The following CDH5 variants were observed in gnomAD, a reference collection of about 807,000 sequenced individuals.
CDH5 encodes the protein cadherin 5.
A neutral mutation model predicts 62.0 loss-of-function variants in CDH5; 28 were observed. The observed-to-expected ratio is 0.45, with a 90% CI of 0.33 to 0.62. The LOEUF (loss-of-function observed/expected upper bound fraction) is 0.62, where lower values mean the gene tolerates loss of function less well. Ranked by LOEUF, CDH5 falls within the 20% of genes least tolerant of loss-of-function variation. CDH5 has a pLI of 0.02. For synonymous variants in CDH5, 464 were observed against 445.8 expected (o/e 1.04, Z -0.52); for missense variants, 940 against 1,065.1 (o/e 0.88, Z 1.63).
intron 2 of CDH5, among the ~76,000 whole-genome samples, chr16:66,380,849 T>A (rs931414700): frequency 6.6e-6 from 1 of 151,388 alleles, no homozygotes; most frequent in Non-Finnish European, 1.5e-5. Flanking sequence ...ATGATGGTAG[T>A]GATGAAAGAT....
chr16:66,368,881 G>A (rs2142300081), intron 1 of CDH5, among the ~76,000 whole-genome samples: 1 of 151,896 alleles, frequency 6.6e-6, no homozygotes, highest in South Asian at 2.1e-4. Flanking sequence ...GTGATACCAG[G>A]GGAAGGAATG....
Position 66,404,607 on chromosome 16 carries a change from T to C in CDH5, c.*1438T>C, listed in dbSNP as rs117426690. The C allele has an allele frequency of 0.015, 2,234 of 152,596 alleles. 22 individuals carry two copies. The highest frequency in any genetic ancestry group is 0.023 in the Non-Finnish European group (1,581 of 68,030). 9.5% of individuals were successfully genotyped at this position (152,596 alleles called of 1,614,324 possible). ...TTTTTGCATAATAAGCAGGTTGTTA[T>C]TTAGGTTAACAATATTAATTCAGGT... On this transcript the variant is annotated 3_prime_UTR_variant, in exon 12 of 12. Coordinates refer to ENST00000341529, the MANE Select transcript of CDH5 (RefSeq NM_001795.5).
chr16:66,386,239 C>T (rs1960980499), intron 2 of CDH5, among the ~76,000 whole-genome samples: 1 of 151,844 alleles, frequency 6.6e-6, no homozygotes, highest in African/African-American at 2.4e-5. Context: ...ACCATGAGAA[C>T]AACTCATTGG....
intron 1 of CDH5, among the ~76,000 whole-genome samples, chr16:66,370,045 G>A (rs909849603): frequency 2.0e-5 from 3 of 152,238 alleles, no homozygotes; most frequent in Middle Eastern, 3.4e-3. Context: ...TTGTTGTCCA[G>A]GCTGGAGTGC....
intron 6 of CDH5, among the ~76,000 whole-genome samples, chr16:66,391,644 G>A (rs1332159007): frequency 2.6e-5 from 4 of 152,130 alleles, no homozygotes; most frequent in Admixed American, 6.5e-5. Context: ...GTGGTGGCAG[G>A]TGCCTGTAAT....
In CDH5 at chr16:66,390,554, C is replaced by A. The variant is rs1961066391; in HGVS notation, c.933C>A (p.Asn311Lys). 1 of 1,614,042 alleles carries A rather than the reference C, an allele frequency of 6.2e-7. No homozygotes were observed. The highest frequency in any genetic ancestry group is 1.1e-5 in the South Asian group (1 of 91,080). ...DYQDAFTIET[N>K]PAHNEGIIKP... ...AGGACGCTTTCACCATTGAGACAAA[C>A]CCCGCCCACAACGAGGGCATCATCA... Residue 311 changes from asparagine (N) to lysine (K), a missense_variant, in exon 6 of 12, where the codon AAC (asparagine) becomes AAA (lysine). Physicochemically the swap from Asn to Lys is moderately conservative, Grantham distance 94 (BLOSUM62 0). Transcript: ENST00000341529.
At position 66,403,148 on chromosome 16, in the gene CDH5, C is replaced by G. The variant is rs1961328288; in HGVS notation, c.2334C>G (p.Pro778=). ...TGGCTGAGCTGTACGGCTCGGACCC[C>G]CGGGAGGAGCTGCTGTATTAGGCGG... ...KMLAELYGSD[P]REELLY is the part of the protein sequence containing the mutation. Residue 778 remains proline (P), a synonymous_variant, in exon 12 of 12, where the codon CCC becomes CCG. Coordinates refer to ENST00000341529, the MANE Select transcript of CDH5 (RefSeq NM_001795.5). The surrounding 1 kb of genome is among the most constrained non-coding windows in gnomAD (Gnocchi z 4.3). The G allele has an allele frequency of 1.2e-6, 2 of 1,612,086 alleles. No individual in the cohort carries two copies. The highest frequency in any genetic ancestry group is 1.7e-6 in the Non-Finnish European group (2 of 1,179,600).
At chr16:66,380,903 G>A (rs1056958748) in intron 2 of CDH5, among the ~76,000 whole-genome samples, 4 of 151,998 alleles carry the variant, frequency 2.6e-5, no homozygotes, top group African/African-American at 7.3e-5. Context: ...TGATGGTGGT[G>A]GAGGTGGTGG....
intron 6 of CDH5, 103 bp downstream of exon 6, chr16:66,390,693 C>T: frequency 9.3e-7 from 1 of 1,069,934 alleles, no homozygotes; most frequent in Non-Finnish European, 1.4e-6. Context: ...CATCAAAGGA[C>T]CATCAAAGCT....
intron 1 of CDH5, among the ~76,000 whole-genome samples, chr16:66,368,473 G>A (rs1477036589): frequency 1.3e-5 from 2 of 152,216 alleles, no homozygotes; most frequent in African/African-American, 2.4e-5. Context: ...CCGGACATGA[G>A]GGCAGGAAGC....
Position 66,386,799 on chromosome 16 carries a change from T to A in CDH5, c.211-10T>A. The A allele has an allele frequency of 1.3e-6, 2 of 1,591,920 alleles. No homozygotes were observed. The highest frequency in any genetic ancestry group is 1.7e-6 in the Non-Finnish European group (2 of 1,167,134). ...CCCATTCCCAGCTCACGTCACCTCT[T>A]CTTTTCTAGATCAAGTCAAGCGTGA... On this transcript the variant is annotated splice_polypyrimidine_tract_variant and intron_variant, in intron 2 of 11. Coordinates refer to ENST00000341529, the MANE Select transcript of CDH5 (RefSeq NM_001795.5).
intron 2 of CDH5, among the ~76,000 whole-genome samples, chr16:66,384,530 A>C (rs530770035): frequency 6.6e-6 from 1 of 152,122 alleles, no homozygotes; most frequent in East Asian, 1.9e-4. Flanking sequence ...AGGCAGGAGA[A>C]TTGCTTGAGC....
At chr16:66,385,909 C>T (rs1960974387) in intron 2 of CDH5, among the ~76,000 whole-genome samples, 1 of 152,212 alleles carries the variant, frequency 6.6e-6, no homozygotes, top group African/African-American at 2.4e-5. Context: ...GAAAGCCAAG[C>T]TGATACAATC....
rs769695691 is a variant in CDH5, at chr16:66,402,838, G to T, written c.2024G>T (p.Arg675Leu). ...CGCCGCGGCGGGGCCAAGCCCCCGCGGCCCGCGCTGGACGCCCGGCCTTCC... is the reference window on the plus strand; with the variant it reads ...CGCCGCGGCGGGGCCAAGCCCCCGCTGCCCGCGCTGGACGCCCGGCCTTCC... ...SVRRGGAKPP[R>L]PALDARPSLY... is the part of the protein sequence containing the mutation. The change falls in exon 12 of 12, where the codon CGG becomes CTG. Residue 675 changes from arginine (R) to leucine (L), a missense_variant. Physicochemically the swap from Arg to Leu is moderately radical, Grantham distance 102. Coordinates refer to ENST00000341529, the MANE Select transcript of CDH5 (RefSeq NM_001795.5). 2 of 1,599,472 alleles carry T rather than the reference G, an allele frequency of 1.3e-6. No homozygotes were observed. The highest frequency in any genetic ancestry group is 1.7e-5 in the Admixed American group (1 of 57,782).
In CDH5 at chr16:66,392,223, G is replaced by A. The variant is rs199838141; in HGVS notation, c.1057G>A (p.Ala353Thr). 9.9e-5 allele frequency: 160 copies of A among 1,613,888 alleles called. No individual in the cohort carries two copies. Among genetic ancestry groups the A allele is most frequent in the Admixed American group, 1.2e-4 (7 of 59,990 alleles). The change falls in exon 7 of 12, where the codon GCG (alanine) becomes ACG (threonine). Residue 353 changes from alanine (A) to threonine (T), a missense_variant. Physicochemically the swap from Ala to Thr is moderately conservative, Grantham distance 58. Coordinates refer to ENST00000341529, the MANE Select transcript of CDH5 (RefSeq NM_001795.5). ...CGACCTCCGATACATGAGCCCTCCCGCGGGAAACAGAGCCCAGGTCATTAT... is the reference window on the plus strand; with the variant it reads ...CGACCTCCGATACATGAGCCCTCCCACGGGAAACAGAGCCCAGGTCATTAT... ...TIDLRYMSPP[A>T]GNRAQVIINI...
chr16:66,393,577 C>T (rs1461071702), intron 7 of CDH5, among the ~76,000 whole-genome samples: 1 of 152,108 alleles, frequency 6.6e-6, no homozygotes, highest in East Asian at 1.9e-4. Flanking sequence ...GAACTCTGTC[C>T]CATGGTCTAT....
chr16:66,395,525 G>GTTTTTTTTTTTTTTTT (rs1961167913), intron 7 of CDH5: 1 of 54,808 alleles, frequency 1.8e-5, no homozygotes, highest in African/African-American at 6.8e-5. Context: ...TTTTTTTTTT[G>GTTTTTTTTTTTTTTTT]TTATTTCTTC....
At chr16:66,373,036 C>T (rs1436278200) in intron 1 of CDH5, among the ~76,000 whole-genome samples, 6 of 152,116 alleles carry the variant, frequency 3.9e-5, no homozygotes, top group Admixed American at 3.9e-4. Flanking sequence ...CAAGCGTGGC[C>T]CCTCCCTGCT....
intron 3 of CDH5, among the ~76,000 whole-genome samples, chr16:66,387,593 T>A (rs1249587187): frequency 1.3e-5 from 2 of 152,222 alleles, no homozygotes; most frequent in Non-Finnish European, 1.5e-5. Context: ...CTGATTTTGA[T>A]CATGAACTCA....
Sources: allele counts gnomAD v4.1 joint callset (sites outside exome capture counted in the v4.1 genomes callset), GRCh38; gene constraint gnomAD v4.1.1; non-coding constraint Gnocchi (gnomAD v3.1); transcripts MANE v1.5; gene names NCBI Gene and HGNC (gene_info 2026-07-23, HGNC 2026-07-21).